The following LOXL2 variants were observed in gnomAD, a reference collection of about 807,000 sequenced individuals.
LOXL2 encodes lysyl oxidase homolog 2.
A neutral mutation model predicts 93.0 loss-of-function variants in LOXL2; 70 were observed. That is an observed-to-expected ratio of 0.75 (90% confidence interval 0.62 to 0.92). The LOEUF (loss-of-function observed/expected upper bound fraction) is 0.92, where lower values mean the gene tolerates loss of function less well. LOXL2 is among the 40% of genes least tolerant of loss of function. The probability of loss-of-function intolerance (pLI) is 0.00; values close to 1 mark genes in which losing one functional copy is unlikely to be tolerated. For missense variants in LOXL2, 973 were observed against 1,054.9 expected, an observed-to-expected ratio of 0.92 and a Z score of 1.08; for synonymous variants, 438 against 413.2, an observed-to-expected ratio of 1.06 and a Z score of -0.73.
At chr8:23,380,039 C>T (rs1043704389) in intron 1 of LOXL2, among the ~76,000 whole-genome samples, 1 of 152,176 alleles carries the variant, frequency 6.6e-6, no homozygotes, top group Non-Finnish European at 1.5e-5. Context: ...CTCACGCTGG[C>T]AGACGTAGAC....
chr8:23,302,224 C>T (rs1803146517), intron 11 of LOXL2, 61 bp from the exon 12 acceptor site: 5 of 1,598,894 alleles, frequency 3.1e-6, no homozygotes, highest in African/African-American at 1.3e-5. Context: ...GCCGCACCCT[C>T]TTCCTGCTTC....
At chr8:23,299,256 G>A (rs1803087454) in intron 12 of LOXL2, among the ~76,000 whole-genome samples, 1 of 152,218 alleles carries the variant, frequency 6.6e-6, no homozygotes, top group East Asian at 1.9e-4. Context: ...GAAGGCAGAA[G>A]TTGGGGTCTG....
At position 23,309,715 on chromosome 8, in the gene LOXL2, G is replaced by T; in HGVS notation, c.1833C>A (p.Phe611Leu). 3.8e-6 allele frequency: 6 copies of T among 1,574,512 alleles called. No individual in the cohort carries two copies. The highest frequency in any genetic ancestry group is 5.2e-6 in the Non-Finnish European group (6 of 1,159,278). Residue 611 changes from phenylalanine to leucine, a missense_variant, in exon 10 of 14, where the codon TTC becomes TTA. Transcript: ENST00000389131. ...SQIHNNGQSD[F>L]RPKNGRHAWI... ...ACGCGTGGCGGCCGTTCTTGGGCCG[G>T]AAGTCGGACTGGCCATTGTTGTGGA...
intron 2 of LOXL2, chr8:23,364,134 C>T (rs1804354349): frequency 6.6e-6 from 1 of 152,356 alleles, no homozygotes; most frequent in African/African-American, 2.4e-5. Flanking sequence ...CCTCAGCCTC[C>T]CAAAGGGCTG....
rs139544501 is a variant in LOXL2 at position 23,309,678 on chromosome 8, C to T, written c.1870G>A (p.Asp624Asn). The change falls in exon 10 of 14, where the codon GAC becomes AAC. Residue 624 changes from aspartate (D) to asparagine (N), a missense_variant. Physicochemically the swap from Asp to Asn is conservative, Grantham distance 23. Transcript: ENST00000389131. ...GCCAGCCAGGCCTACCTGTGACAGT[C>T]GTGCCAGATCCACGCGTGGCGGCCG... is the stretch of plus-strand genomic sequence containing the variant. ...KNGRHAWIWH[D>N]CHRHYHSMEV... 1.8e-4 allele frequency: 258 copies of T among 1,471,698 alleles called. No homozygotes were observed. In the African/African-American group the frequency reaches 3.1e-3, roughly 17 times the overall value. 91.2% of individuals were successfully genotyped at this position (1,471,698 alleles called of 1,614,324 possible).
intron 1 of LOXL2, among the ~76,000 whole-genome samples, chr8:23,376,107 C>T (rs536135940): frequency 1.0e-4 from 15 of 150,420 alleles, no homozygotes; most frequent in South Asian, 8.3e-4. Context: ...TTTTAAGATA[C>T]GTCTAATCGA....
At chr8:23,381,482 T>G (rs1379664395) in intron 1 of LOXL2, among the ~76,000 whole-genome samples, 1 of 152,232 alleles carries the variant, frequency 6.6e-6, no homozygotes, top group Non-Finnish European at 1.5e-5. Flanking sequence ...ACTCTGGCTA[T>G]GACCATGTTT....
intron 3 of LOXL2, among the ~76,000 whole-genome samples, chr8:23,343,424 C>T (rs1803919043): frequency 6.6e-6 from 1 of 152,236 alleles, no homozygotes; most frequent in East Asian, 1.9e-4. Context: ...AAGACACACA[C>T]ACTGTGGGCG....
intron 10 of LOXL2, 127 bp from the exon 11 acceptor site, chr8:23,303,524 G>A (rs1352764928): frequency 3.1e-6 from 2 of 638,660 alleles, no homozygotes; most frequent in East Asian, 2.7e-5. Flanking sequence ...GGTGGGGAGA[G>A]GAGTGGATGA....
chr8:23,344,564 T>C (rs965619151), intron 3 of LOXL2, among the ~76,000 whole-genome samples: 1 of 151,794 alleles, frequency 6.6e-6, no homozygotes, highest in Non-Finnish European at 1.5e-5. Flanking sequence ...TCTCTGTGTG[T>C]GTGTCTCTGG....
In LOXL2 at chr8:23,319,909, C is replaced by T; in HGVS notation, c.1446G>A (p.Leu482=). ...CCTGGAAGGCGTTGCTGGCGAATCC[C>T]AGGCCCAGCTGGCGGCAGACCACCA... ...EAMVVCRQLG[L]GFASNAFQET... The change falls in exon 8 of 14, where the codon CTG becomes CTA. Residue 482 remains leucine, a synonymous_variant. Coordinates refer to ENST00000389131, the MANE Select transcript of LOXL2 (RefSeq NM_002318.3). 1 of 1,613,904 alleles carries T rather than the reference C, an allele frequency of 6.2e-7. No homozygotes were observed. The highest frequency in any genetic ancestry group is 8.5e-7 in the Non-Finnish European group (1 of 1,179,944).
chr8:23,309,725 T>A lies in LOXL2; in HGVS notation c.1823A>T (p.Gln608Leu), dbSNP rs1373810307. ...RFSSQIHNNG[Q>L]SDFRPKNGRH... ...GCCGTTCTTGGGCCGGAAGTCGGAC[T>A]GGCCATTGTTGTGGATCTGGGAGGA... The change falls in exon 10 of 14, where the codon CAG becomes CTG. Residue 608 changes from glutamine to leucine, a missense_variant. Gln to Leu is a moderately radical substitution (Grantham distance 113). Coordinates refer to ENST00000389131, the MANE Select transcript of LOXL2 (RefSeq NM_002318.3). 1 of 1,581,848 alleles carries A rather than the reference T, an allele frequency of 6.3e-7. No homozygotes were observed. The highest frequency in any genetic ancestry group is 8.6e-7 in the Non-Finnish European group (1 of 1,163,240).
intron 12 of LOXL2, among the ~76,000 whole-genome samples, chr8:23,299,418 A>G (rs1191819539): frequency 1.3e-5 from 2 of 152,134 alleles, no homozygotes; most frequent in African/African-American, 2.4e-5. Flanking sequence ...CTCTCTCTGT[A>G]AAGTGACAGG....
At position 23,333,405 on chromosome 8, in the gene LOXL2, G is replaced by A; in HGVS notation, c.962C>T (p.Pro321Leu). The A allele has an allele frequency of 6.2e-7, 1 of 1,613,734 alleles. No individual in the cohort carries two copies. The highest frequency in any genetic ancestry group is 8.5e-7 in the Non-Finnish European group (1 of 1,180,002). The part of the protein sequence containing the change: ...GPSRFRKAYK[P>L]EQPLVRLRGG... ...CACCTCGTGCCCCGTCCTCACCTCT[G>A]GCTTGTACGCTTTCCGGAATCTTGA... The change falls in exon 5 of 14, where the codon CCA becomes CTA. Residue 321 changes from proline (P) to leucine (L), a missense_variant. Coordinates refer to ENST00000389131, the MANE Select transcript of LOXL2 (RefSeq NM_002318.3).
intron 3 of LOXL2, among the ~76,000 whole-genome samples, chr8:23,355,907 C>A (rs569548880): frequency 2.0e-5 from 3 of 152,050 alleles, no homozygotes; most frequent in African/African-American, 4.8e-5. Flanking sequence ...ACCCAACAGG[C>A]CTTTTAAAAA....
intron 12 of LOXL2, among the ~76,000 whole-genome samples, chr8:23,301,673 CAA>C (rs1179084017): frequency 6.6e-6 from 1 of 152,142 alleles, no homozygotes; most frequent in East Asian, 1.9e-4. Flanking sequence ...ATGGTGGAGA[CAA>C]GAGCTCCATA....
At chr8:23,326,200 A>C (rs1195892540) in intron 6 of LOXL2, among the ~76,000 whole-genome samples, 1 of 152,204 alleles carries the variant, frequency 6.6e-6, no homozygotes. Context: ...AGGAGATATC[A>C]ATCATCCACT....
At chr8:23,314,830 AAG>A (rs1209772056) in intron 9 of LOXL2, among the ~76,000 whole-genome samples, 44 of 43,078 alleles carry the variant, frequency 1.0e-3, no homozygotes, top group African/African-American at 5.4e-3. Flanking sequence ...AAAACGAAAA[AAG>A]AAAAAAATAA....
chr8:23,340,891 C>T (rs1054626959), intron 4 of LOXL2, 101 bp downstream of exon 4: 3 of 1,115,940 alleles, frequency 2.7e-6, no homozygotes, highest in Non-Finnish European at 4.0e-6. Context: ...CTTGCCTGGC[C>T]ATGCCTGGCC....
Sources: allele counts gnomAD v4.1 joint callset (sites outside exome capture counted in the v4.1 genomes callset), GRCh38; gene constraint gnomAD v4.1.1; transcripts MANE v1.5; gene names NCBI Gene and HGNC (gene_info 2026-07-23, HGNC 2026-07-21).